The following GRIK2 variants were observed in gnomAD, a reference collection of about 807,000 sequenced individuals.
GRIK2 encodes the protein glutamate ionotropic receptor kainate type subunit 2.
GRIK2 carries 32 observed loss-of-function variants against 100.3 expected under a neutral mutation model. That is an observed-to-expected ratio of 0.32 (90% CI 0.24 to 0.43). The LOEUF is 0.43. GRIK2 is among the 20% of genes least tolerant of loss of function. The pLI is 1.00. For missense variants in GRIK2, 843 were observed against 1,114.9 expected (o/e 0.76, Z 3.47); for synonymous variants, 417 against 389.4 (o/e 1.07, Z -0.83).
chr6:101,868,267 C>A (rs1216671488), intron 11 of GRIK2, among the ~76,000 whole-genome samples: 1 of 149,576 alleles, frequency 6.7e-6, no homozygotes. Flanking sequence ...GTAGAAGAGG[C>A]GTGAAATTGG....
intron 2 of GRIK2, among the ~76,000 whole-genome samples, chr6:101,477,720 A>C (rs1407238529): frequency 6.6e-6 from 1 of 152,108 alleles, no homozygotes; most frequent in African/African-American, 2.4e-5. Flanking sequence ...CATCTGCCAC[A>C]TAGAAATGCC....
rs145246401 is a variant in GRIK2, at chr6:101,631,581, A to G, written c.541+4944A>G. Among the ~76,000 whole-genome samples the G allele has an allele frequency of 7.9e-5, 12 of 152,304 alleles. No homozygotes were observed. In the East Asian group the frequency reaches 2.3e-3, roughly 29 times the overall value. On this transcript the variant is annotated intron_variant, in intron 4 of 16. Coordinates refer to ENST00000369134, the MANE Select transcript of GRIK2 (RefSeq NM_021956.5). ...CCCAAAGGAAACAGGTGATCATGACATCATACCTGTTATCTCCAGTGACTG... is the reference window on the plus strand; with the variant it reads ...CCCAAAGGAAACAGGTGATCATGACGTCATACCTGTTATCTCCAGTGACTG...
chr6:101,985,308 T>C (rs1353082667), intron 14 of GRIK2, among the ~76,000 whole-genome samples: 1 of 151,778 alleles, frequency 6.6e-6, no homozygotes. Context: ...TGTTTATTCT[T>C]TCTAACTAGA....
chr6:101,571,333 A>T (rs1183246203), intron 2 of GRIK2, among the ~76,000 whole-genome samples: 2 of 152,066 alleles, frequency 1.3e-5, no homozygotes, highest in African/African-American at 4.8e-5. Context: ...ATAATAATAA[A>T]AATAATAAAA....
chr6:102,052,145 G>A (rs1771231533), intron 15 of GRIK2, among the ~76,000 whole-genome samples: 1 of 152,098 alleles, frequency 6.6e-6, no homozygotes, highest in African/African-American at 2.4e-5. Context: ...GTCCACATTT[G>A]ACTTCAGCTG....
At chr6:101,873,606 TA>T in intron 11 of GRIK2, among the ~76,000 whole-genome samples, 1 of 152,206 alleles carries the variant, frequency 6.6e-6, no homozygotes, top group East Asian at 1.9e-4. Flanking sequence ...TTTGGGTATA[TA>T]CCCAGTAATG....
intron 2 of GRIK2, among the ~76,000 whole-genome samples, chr6:101,536,306 T>C (rs1775690102): frequency 6.6e-6 from 1 of 151,640 alleles, no homozygotes; most frequent in African/African-American, 2.4e-5. Flanking sequence ...AAAAAAAGTA[T>C]GCAATTTTCA....
chr6:101,527,692 G>A, intron 2 of GRIK2, among the ~76,000 whole-genome samples: 1 of 152,128 alleles, frequency 6.6e-6, no homozygotes. Context: ...ATCAGAAGAT[G>A]CCAGAAGTGG....
intron 7 of GRIK2, among the ~76,000 whole-genome samples, chr6:101,742,933 CGAAGTCCA>C (rs1562350198): frequency 1.3e-5 from 2 of 152,128 alleles, no homozygotes; most frequent in Non-Finnish European, 2.9e-5. Flanking sequence ...TGGCTGAGGA[CGAAGTCCA>C]TTCACATGGT....
intron 8 of GRIK2, among the ~76,000 whole-genome samples, 187 bp downstream of exon 8, chr6:101,799,978 ATATC>A (rs1780571225): frequency 6.6e-6 from 1 of 152,134 alleles, no homozygotes; most frequent in Non-Finnish European, 1.5e-5. Context: ...GGGAAACAAA[ATATC>A]TATCAAAGTA....
At chr6:101,568,365 T>C (rs1777379920) in intron 2 of GRIK2, among the ~76,000 whole-genome samples, 1 of 152,014 alleles carries the variant, frequency 6.6e-6, no homozygotes, top group African/African-American at 2.4e-5. Flanking sequence ...AATGCAATTA[T>C]CTAATTGGAA....
In GRIK2 at chr6:101,799,629, C is replaced by T; in HGVS notation, c.952-19C>T. On this transcript the variant is annotated intron_variant, in intron 7 of 16. Transcript: ENST00000369134. ...ACAAGTTATATTGACTATAAATTTC[C>T]CTTTCCCTTGCTTTTCAGACTGATG... 6.2e-7 allele frequency: 1 copy of T among 1,607,010 alleles called. No homozygotes were observed. Among genetic ancestry groups the T allele is most frequent in the Non-Finnish European group, 8.5e-7 (1 of 1,173,748 alleles).
intron 2 of GRIK2, among the ~76,000 whole-genome samples, chr6:101,504,511 G>A (rs1431554897): frequency 6.6e-6 from 1 of 151,422 alleles, no homozygotes; most frequent in Non-Finnish European, 1.5e-5. Context: ...TTCAATGTTT[G>A]TCATGTATTT....
Position 101,977,865 on chromosome 6 carries a change from C to T in GRIK2, c.2085+49233C>T, listed in dbSNP as rs992910931. ...TAGAAATACTCTATTTAGAAAATGA[C>T]ACCTACTAAATAAAGCTCCTCGAGA... On this transcript the variant is annotated intron_variant, in intron 14 of 16. Transcript: ENST00000369134. Among the ~76,000 whole-genome samples the T allele has an allele frequency of 3.3e-5, 5 of 152,056 alleles. No individual in the cohort carries two copies. In the South Asian group the frequency reaches 8.3e-4, roughly 25 times the overall value.
intron 12 of GRIK2, among the ~76,000 whole-genome samples, chr6:101,912,893 G>A (rs2791774): frequency 0.86 from 129,594 of 151,280 alleles, 55,577 homozygotes; most frequent in East Asian, 0.94. Context: ...TGAGAGTAAT[G>A]CAAAGCTCAT....
chr6:101,655,052 T>C (rs931446353), intron 4 of GRIK2, among the ~76,000 whole-genome samples: 1 of 152,198 alleles, frequency 6.6e-6, no homozygotes, highest in Admixed American at 6.6e-5. Context: ...TCAGTGATTC[T>C]TCTAGTTCTG....
chr6:101,405,893 A>G (rs542718632), intron 2 of GRIK2, among the ~76,000 whole-genome samples: 1 of 152,336 alleles, frequency 6.6e-6, no homozygotes, highest in South Asian at 2.1e-4. Flanking sequence ...AAATCTCCCA[A>G]ATTTTAATTG....
intron 2 of GRIK2, among the ~76,000 whole-genome samples, chr6:101,494,971 T>TATATATATATA (rs1773349547): frequency 2.8e-5 from 3 of 107,956 alleles, no homozygotes; most frequent in South Asian, 3.4e-4. Context: ...ATATATGCAT[T>TATATATATATA]TATATATATA....
chr6:101,506,715 A>G (rs1484390200), intron 2 of GRIK2, among the ~76,000 whole-genome samples: 2 of 152,168 alleles, frequency 1.3e-5, no homozygotes, highest in Admixed American at 1.3e-4. Context: ...AGTATTTTAA[A>G]TAATAGTTTT....
Sources: allele counts gnomAD v4.1 joint callset (sites outside exome capture counted in the v4.1 genomes callset), GRCh38; gene constraint gnomAD v4.1.1; transcripts MANE v1.5; gene names NCBI Gene and HGNC (gene_info 2026-07-23, HGNC 2026-07-21).